PCDH9: variants seen among roughly 807,000 people sequenced by gnomAD.
PCDH9 encodes protocadherin-9.
A neutral mutation model predicts 70.6 loss-of-function variants in PCDH9; 24 were observed. The ratio of observed to expected loss-of-function variants is 0.34; its 90% CI spans 0.25 to 0.48. PCDH9 has a LOEUF of 0.48. PCDH9 is among the 20% of genes least tolerant of loss of function. The probability of loss-of-function intolerance (pLI) is 0.99; values close to 1 mark genes in which losing one functional copy is unlikely to be tolerated. For missense variants in PCDH9, 1,281 were observed against 1,503.6 expected (o/e 0.85, Z 2.45); for synonymous variants, 562 against 558.5 (o/e 1.01, Z -0.09).
At chr13:66,700,969 T>TATATATATATATAC (rs2078638079) in intron 3 of PCDH9, among the ~76,000 whole-genome samples, 3 of 119,612 alleles carry the variant, frequency 2.5e-5, no homozygotes, top group South Asian at 5.2e-4. Context: ...TATATATATA[T>TATATATATATATAC]ACTTTTTCAC....
chr13:66,575,935 TTA>T (rs1237445400), intron 4 of PCDH9, among the ~76,000 whole-genome samples: 2 of 152,112 alleles, frequency 1.3e-5, no homozygotes, highest in Non-Finnish European at 2.9e-5. Flanking sequence ...TATGTTAATT[TTA>T]TGTTTTTGTA....
At chr13:66,600,385 T>G (rs1040180900) in intron 4 of PCDH9, among the ~76,000 whole-genome samples, 3 of 151,884 alleles carry the variant, frequency 2.0e-5, no homozygotes, top group Non-Finnish European at 4.4e-5. Flanking sequence ...CAACTATATT[T>G]TTTCTAGAAA....
chr13:66,486,775 G>T (rs1219452822), intron 4 of PCDH9, among the ~76,000 whole-genome samples: 1 of 151,914 alleles, frequency 6.6e-6, no homozygotes, highest in Non-Finnish European at 1.5e-5. Context: ...ATGTTTTACT[G>T]GTTGTCCCAA....
At chr13:66,390,340 A>G (rs549069821) in intron 4 of PCDH9, among the ~76,000 whole-genome samples, 10 of 152,170 alleles carry the variant, frequency 6.6e-5, no homozygotes, top group African/African-American at 2.2e-4. Flanking sequence ...TCACCCTTTG[A>G]CCTTATAATT....
intron 4 of PCDH9, among the ~76,000 whole-genome samples, chr13:66,629,724 T>C (rs1421938533): frequency 1.3e-5 from 2 of 152,216 alleles, no homozygotes; most frequent in East Asian, 3.8e-4. Flanking sequence ...TAGATACTCC[T>C]GAAAGATTGC....
intron 4 of PCDH9, among the ~76,000 whole-genome samples, chr13:66,566,813 A>T (rs2076659110): frequency 6.6e-6 from 1 of 152,164 alleles, no homozygotes; most frequent in Admixed American, 6.6e-5. Context: ...TTATAAAAAA[A>T]TCATGCTTAA....
At chr13:66,357,674 T>A (rs1180205688) in intron 4 of PCDH9, among the ~76,000 whole-genome samples, 1 of 152,058 alleles carries the variant, frequency 6.6e-6, no homozygotes, top group African/African-American at 2.4e-5. Context: ...CTCAGATGTC[T>A]ATTCTTACAC....
chr13:66,394,730 G>T (rs570007866), intron 4 of PCDH9, among the ~76,000 whole-genome samples: 52 of 152,018 alleles, frequency 3.4e-4, no homozygotes, highest in Non-Finnish European at 6.6e-4. Context: ...ACAATTTTAA[G>T]GAACAAACAA....
intron 4 of PCDH9, among the ~76,000 whole-genome samples, chr13:66,417,584 A>G (rs1250123475): frequency 6.6e-6 from 1 of 152,098 alleles, no homozygotes; most frequent in Non-Finnish European, 1.5e-5. Flanking sequence ...GAGTCACCAC[A>G]TTGTCTTCCA....
Position 67,228,096 on chromosome 13 carries a change from C to A in PCDH9, c.345G>T (p.Val115=). 1.2e-6 allele frequency: 2 copies of A among 1,614,030 alleles called. No homozygotes were observed. The highest frequency in any genetic ancestry group is 1.7e-6 in the Non-Finnish European group (2 of 1,179,972). The change falls in exon 2 of 5, where the codon GTG becomes GTT. Residue 115 remains valine (V), a synonymous_variant. Transcript: ENST00000377865. ...EENECFFELE[V]VILPNDFFRL... is the part of the protein sequence containing the mutation. The stretch of plus-strand genomic sequence containing the variant: ...TGAAGAAATCATTGGGGAGGATCAC[C>A]ACCTCAAGTTCAAAGAAACACTCAT...
intron 3 of PCDH9, among the ~76,000 whole-genome samples, chr13:66,777,912 G>A (rs964682480): frequency 1.3e-5 from 2 of 152,052 alleles, no homozygotes; most frequent in African/African-American, 4.8e-5. Context: ...ACTGGATTAA[G>A]AAAATGTGGC....
At chr13:67,209,001 TATATCTTTCC>T (rs2089415372) in intron 2 of PCDH9, 1 of 152,180 alleles carries the variant, frequency 6.6e-6, no homozygotes, top group Non-Finnish European at 1.5e-5. Context: ...GTAAGTATTA[TATATCTTTCC>T]TACCTCTCAG....
At chr13:66,420,430 T>G (rs1440526912) in intron 4 of PCDH9, among the ~76,000 whole-genome samples, 1 of 152,158 alleles carries the variant, frequency 6.6e-6, no homozygotes, top group Non-Finnish European at 1.5e-5. Context: ...GAGCTCCAGC[T>G]GGCATCTGGT....
At chr13:66,473,101 A>G (rs1006410481) in intron 4 of PCDH9, among the ~76,000 whole-genome samples, 2 of 152,008 alleles carry the variant, frequency 1.3e-5, no homozygotes, top group African/African-American at 4.8e-5. Flanking sequence ...ATAATTTAAG[A>G]TATTAAACAC....
rs186567153 is a variant in PCDH9, at chr13:66,361,209, C to T, written c.3341-56181G>A. On this transcript the variant is annotated intron_variant, in intron 4 of 4. Coordinates refer to ENST00000377865, the MANE Select transcript of PCDH9 (RefSeq NM_203487.3). ...CCAACAGGAAGAGTTGTGCACTAATCTCATAATTATACCCCTTTACTCCTC... is the reference window on the plus strand; with the variant it reads ...CCAACAGGAAGAGTTGTGCACTAATTTCATAATTATACCCCTTTACTCCTC... Among the ~76,000 whole-genome samples, 62 of 152,210 alleles carry T rather than the reference C, an allele frequency of 4.1e-4. 1 individual carries two copies. Among genetic ancestry groups the T allele is most frequent in the Non-Finnish European group, 1.5e-5 (1 of 68,000 alleles).
At chr13:66,463,896 C>T (rs1482375871) in intron 4 of PCDH9, among the ~76,000 whole-genome samples, 1 of 151,584 alleles carries the variant, frequency 6.6e-6, no homozygotes, top group Non-Finnish European at 1.5e-5. Flanking sequence ...ACATATGATG[C>T]TGCATGATTT....
intron 2 of PCDH9, chr13:67,213,395 A>G (rs1335470833): frequency 6.6e-6 from 1 of 152,048 alleles, no homozygotes; most frequent in Non-Finnish European, 1.5e-5. Context: ...TTTCAAATAA[A>G]ACAATGAATC....
At chr13:66,952,736 T>C (rs1381725450) in intron 2 of PCDH9, among the ~76,000 whole-genome samples, 1 of 152,106 alleles carries the variant, frequency 6.6e-6, no homozygotes, top group African/African-American at 2.4e-5. Flanking sequence ...ACCAGATGGC[T>C]CTTTTTCCCA....
At chr13:67,145,281 C>G (rs2087494657) in intron 2 of PCDH9, among the ~76,000 whole-genome samples, 1 of 152,010 alleles carries the variant, frequency 6.6e-6, no homozygotes, top group Admixed American at 6.6e-5. Flanking sequence ...ATGATTTAGT[C>G]TGAACAAGAT....
Sources: allele counts gnomAD v4.1 joint callset (sites outside exome capture counted in the v4.1 genomes callset), GRCh38; gene constraint gnomAD v4.1.1; transcripts MANE v1.5; gene names NCBI Gene and HGNC (gene_info 2026-07-23, HGNC 2026-07-21).